The following LOXHD1 variants were observed in gnomAD, a reference collection of about 807,000 sequenced individuals.
The protein encoded by LOXHD1 is lipoxygenase homology PLAT domains 1.
A neutral mutation model predicts 248.2 loss-of-function variants in LOXHD1; 205 were observed. The observed-to-expected ratio is 0.83, with a 90% CI of 0.74 to 0.93. The LOEUF (loss-of-function observed/expected upper bound fraction) is 0.93. Among genes scored for constraint, LOXHD1 ranks in the 40% least tolerant of loss-of-function variants. The pLI is 0.00. For synonymous variants in LOXHD1, 1,113 were observed against 1,162.8 expected (o/e 0.96, Z 0.87); for missense variants, 2,930 against 2,971.6 (o/e 0.99, Z 0.33).
At chr18:46,561,713 A>C (rs1484935716) in intron 18 of LOXHD1, among the ~76,000 whole-genome samples, 2 of 151,912 alleles carry the variant, frequency 1.3e-5, no homozygotes, top group African/African-American at 4.8e-5. Flanking sequence ...TCAACAAACC[A>C]CCTTTGCCAG....
In LOXHD1 at chr18:46,557,725, G is replaced by C. The variant is rs77028433; in HGVS notation, c.3217-236C>G. On this transcript the variant is annotated intron_variant, in intron 20 of 40. Transcript: ENST00000642948. The stretch of plus-strand genomic sequence containing the variant: ...TCTCACTCTCATGTCCAGGAAGGTG[G>C]AAGGAGGAGAGGAAGAGTGAAGGTG... Among the ~76,000 whole-genome samples the C allele has an allele frequency of 0.069, 10,548 of 152,294 alleles. 410 individuals carry two copies. Among genetic ancestry groups the C allele is most frequent in the Admixed American group, 0.11 (1,750 of 15,292 alleles).
chr18:46,517,714 G>C (rs2035333263), intron 34 of LOXHD1, among the ~76,000 whole-genome samples: 1 of 151,938 alleles, frequency 6.6e-6, no homozygotes, highest in Non-Finnish European at 1.5e-5. Context: ...GTAATCATTT[G>C]AGACTTACAG....
At chr18:46,523,147 A>G (rs951056550) in intron 31 of LOXHD1, among the ~76,000 whole-genome samples, 3 of 152,066 alleles carry the variant, frequency 2.0e-5, no homozygotes, top group Non-Finnish European at 2.9e-5. Flanking sequence ...GGGTTTCTCC[A>G]TGTTGGTCAG....
At chr18:46,548,524 C>T (rs2143843371) in intron 21 of LOXHD1, among the ~76,000 whole-genome samples, 1 of 152,340 alleles carries the variant, frequency 6.6e-6, no homozygotes, top group African/African-American at 2.4e-5. Context: ...ACTAAGCTAC[C>T]ATTAAATTAG....
intron 4 of LOXHD1, 146 bp from the exon 5 acceptor site, chr18:46,618,436 A>C: frequency 1.6e-6 from 1 of 625,694 alleles, no homozygotes; most frequent in Middle Eastern, 4.0e-4. Flanking sequence ...GCAAAAAACA[A>C]GTCAGTCCAC....
chr18:46,611,422 G>T (rs1411048749), intron 5 of LOXHD1, among the ~76,000 whole-genome samples: 2 of 152,162 alleles, frequency 1.3e-5, no homozygotes, highest in African/African-American at 4.8e-5. Context: ...ATTCAAGAAG[G>T]AGATATTATT....
At chr18:46,528,834 G>A (rs1002267784) in intron 29 of LOXHD1, among the ~76,000 whole-genome samples, 6 of 152,198 alleles carry the variant, frequency 3.9e-5, no homozygotes, top group African/African-American at 1.4e-4. Flanking sequence ...CCATTCTGCA[G>A]TGTTCACCTC....
In LOXHD1 at chr18:46,593,853, G is replaced by A. The variant is rs973470889; in HGVS notation, c.1271-93C>T. On this transcript the variant is annotated intron_variant, in intron 9 of 40. Coordinates refer to ENST00000642948, the MANE Select transcript of LOXHD1 (RefSeq NM_001384474.1). ...AGAAGGAAAAATCCAAAATGATCAG[G>A]ACTGAAGGGCGGGGTATACACAGGT... is the stretch of plus-strand genomic sequence containing the variant. 10 of 1,368,540 alleles carry A rather than the reference G, an allele frequency of 7.3e-6. No individual in the cohort carries two copies. The Admixed American group carries it at 1.2e-4, about 16-fold the overall frequency. 84.8% of individuals were successfully genotyped at this position (1,368,540 alleles called of 1,614,324 possible).
chr18:46,493,495 C>T (rs2033632864), intron 37 of LOXHD1, among the ~76,000 whole-genome samples: 1 of 152,226 alleles, frequency 6.6e-6, no homozygotes, highest in Admixed American at 6.5e-5. Flanking sequence ...TGGGACAGTG[C>T]TTGGCATATT....
chr18:46,533,196 C>A lies in LOXHD1; in HGVS notation c.4341G>T (p.Arg1447=), dbSNP rs1476172932. ...TEKYMKDGSL[R]QVYKEVEEPL... ...GCTCTTCTACTTCCTTGTAGACTTGCCGTAAGGACCCATCTTTCATGTATT... is the reference window on the plus strand; with the variant it reads ...GCTCTTCTACTTCCTTGTAGACTTGACGTAAGGACCCATCTTTCATGTATT... Residue 1447 remains arginine, a synonymous_variant, in exon 28 of 41, where the codon CGG becomes CGT. Transcript: ENST00000642948. 6.4e-7 allele frequency: 1 copy of A among 1,551,592 alleles called. No homozygotes were observed. Among genetic ancestry groups the A allele is most frequent in the Admixed American group, 2.0e-5 (1 of 50,984 alleles).
At chr18:46,541,275 G>A (rs552413748) in intron 25 of LOXHD1, among the ~76,000 whole-genome samples, 1 of 152,192 alleles carries the variant, frequency 6.6e-6, no homozygotes, top group South Asian at 2.1e-4. Context: ...CAGGGTCCAG[G>A]CTGTGTTTCC....
rs552301941 is a variant in LOXHD1 at position 46,490,153 on chromosome 18, C to A, written c.5879-1011G>T. ...CAAAGTCCTTGAGAACCCTTACAAC[C>A]AAAGGACCCCAGGCAGGAGGATATC... On this transcript the variant is annotated intron_variant, in intron 37 of 40. Transcript: ENST00000642948. Among the ~76,000 whole-genome samples the A allele has an allele frequency of 2.6e-4, 40 of 152,266 alleles. No individual in the cohort carries two copies. The East Asian group carries it at 5.8e-3, about 22-fold the overall frequency.
At chr18:46,607,099 G>A (rs2038426127) in intron 6 of LOXHD1, among the ~76,000 whole-genome samples, 1 of 151,714 alleles carries the variant, frequency 6.6e-6, no homozygotes, top group Admixed American at 6.6e-5. Flanking sequence ...AACCCGGGAG[G>A]CAGAGATTGC....
intron 35 of LOXHD1, among the ~76,000 whole-genome samples, chr18:46,508,088 T>C (rs933219434): frequency 9.2e-5 from 14 of 152,154 alleles, no homozygotes; most frequent in African/African-American, 3.4e-4. Flanking sequence ...AACGCTGACA[T>C]TTGCAGGTTA....
intron 21 of LOXHD1, among the ~76,000 whole-genome samples, chr18:46,549,152 G>A (rs968123916): frequency 1.3e-5 from 2 of 152,190 alleles, no homozygotes; most frequent in East Asian, 3.9e-4. Flanking sequence ...CCAGGGAGGG[G>A]ACCAGGCAGG....
At chr18:46,578,585 C>CAA (rs1421530778) in intron 13 of LOXHD1, among the ~76,000 whole-genome samples, 4 of 152,210 alleles carry the variant, frequency 2.6e-5, no homozygotes, top group Admixed American at 6.5e-5. Context: ...GCCATGATCC[C>CAA]AAGAATCGAG....
At chr18:46,492,485 A>C (rs1479618029) in intron 37 of LOXHD1, among the ~76,000 whole-genome samples, 2 of 152,160 alleles carry the variant, frequency 1.3e-5, no homozygotes, top group African/African-American at 4.8e-5. Flanking sequence ...ATCTTGTGAG[A>C]ACTCGCTCAC....
At position 46,522,107 on chromosome 18, in the gene LOXHD1, T is replaced by A. The variant is rs1201117518; in HGVS notation, c.5079A>T (p.Lys1693Asn). 4 of 1,549,280 alleles carry A rather than the reference T, an allele frequency of 2.6e-6. No homozygotes were observed. Among genetic ancestry groups the A allele is most frequent in the South Asian group, 1.2e-5 (1 of 84,036 alleles). Residue 1693 changes from lysine (K) to asparagine (N), a missense_variant, in exon 32 of 41, where the codon AAA becomes AAT. Lys to Asn is a moderately conservative substitution (Grantham distance 94). Coordinates refer to ENST00000642948, the MANE Select transcript of LOXHD1 (RefSeq NM_001384474.1). Reference sequence around the variant, plus strand: ...GGCCCCGAGAAGCCAGCACCTCTATTTTCTTGATGATGCCCACATCCAAGC... The same window carrying A: ...GGCCCCGAGAAGCCAGCACCTCTATATTCTTGATGATGCCCACATCCAAGC... ...VAGLDVGIIK[K>N]IELGHDGASP... is the part of the protein sequence containing the mutation.
intron 27 of LOXHD1, chr18:46,533,591 T>C: frequency 4.6e-6 from 2 of 432,902 alleles, no homozygotes; most frequent in Middle Eastern, 6.6e-4. Flanking sequence ...GAGACTCAGA[T>C]TCAGTGGGTA....
Sources: gnomAD v4.1 joint callset for allele counts (sites outside exome capture counted in the v4.1 genomes callset) on GRCh38, gnomAD v4.1.1 for gene constraint, MANE v1.5 for transcripts, NCBI Gene and HGNC (gene_info 2026-07-23, HGNC 2026-07-21) for gene names.